Variants in ARHGAP39 observed in about 807,000 individuals in gnomAD.
The protein encoded by ARHGAP39 is rho GTPase-activating protein 39.
A neutral mutation model predicts 106.9 loss-of-function variants in ARHGAP39; 44 were observed. That is an observed-to-expected ratio of 0.41 (90% CI 0.32 to 0.53). ARHGAP39 has a LOEUF of 0.53. ARHGAP39 is among the 20% of genes least tolerant of loss of function. The probability of loss-of-function intolerance (pLI) is 0.21; values close to 1 mark genes in which losing one functional copy is unlikely to be tolerated. For missense variants in ARHGAP39, 1,496 were observed against 1,577.3 expected, an observed-to-expected ratio of 0.95 and a Z score of 0.87; for synonymous variants, 768 against 693.2, an observed-to-expected ratio of 1.11 and a Z score of -1.69.
rs531736940 is a variant in ARHGAP39, at chr8:144,635,196, A to G, written c.-81-29501T>C. 3.0e-4 allele frequency among the ~76,000 whole-genome samples: 46 copies of G among 152,362 alleles called. 1 individual carries two copies. In the South Asian group the frequency reaches 9.5e-3, roughly 32 times the overall value. On this transcript the variant is annotated intron_variant, in intron 1 of 11. Coordinates refer to ENST00000377307, the MANE Select transcript of ARHGAP39 (RefSeq NM_025251.3). ...CCCCTAGGTGGCTTGAGGATGGGGTAGGTCACCAGAAAGACCAACGCACGA... is the reference window on the plus strand; with the variant it reads ...CCCCTAGGTGGCTTGAGGATGGGGTGGGTCACCAGAAAGACCAACGCACGA...
At position 144,548,146 on chromosome 8, in the gene ARHGAP39, C is replaced by CGTAGAGCGGGGGTTCATA. The variant is rs1817544677; in HGVS notation, c.922_939dup (p.Tyr308_Tyr313dup). The CGTAGAGCGGGGGTTCATA allele has an allele frequency of 6.4e-7, 1 of 1,568,822 alleles. No individual in the cohort carries two copies. The highest frequency in any genetic ancestry group is 1.4e-5 in the African/African-American group (1 of 73,238). On this transcript the variant is annotated inframe_insertion, in exon 5 of 12. Transcript: ENST00000377307. The surrounding 1 kb of genome is among the most constrained non-coding windows in gnomAD (Gnocchi z 7.4). ...GCCTGGTACTCCACTGGGGGCTCCT[C>CGTAGAGCGGGGGTTCATA]GTAGAGCGGGGGTTCATAGCCATAG...
intron 1 of ARHGAP39, among the ~76,000 whole-genome samples, chr8:144,618,983 G>A (rs548165755): frequency 6.6e-6 from 1 of 152,340 alleles, no homozygotes; most frequent in East Asian, 1.9e-4. Context: ...GGGGCCCCCA[G>A]GGCCTGTGGT....
upstream of ARHGAP39, among the ~76,000 whole-genome samples, chr8:144,686,800 C>T (rs1244001813): frequency 6.6e-6 from 1 of 152,216 alleles, no homozygotes; most frequent in African/African-American, 2.4e-5. Flanking sequence ...CCCAACTGGG[C>T]GAGCCCAACC....
At chr8:144,627,460 C>A (rs1820951549) in intron 1 of ARHGAP39, among the ~76,000 whole-genome samples, 1 of 148,144 alleles carries the variant, frequency 6.8e-6, no homozygotes, top group Non-Finnish European at 1.5e-5. Flanking sequence ...GAGGCTGAGG[C>A]AGGAGAATGG....
intron 3 of ARHGAP39, among the ~76,000 whole-genome samples, chr8:144,567,568 G>A (rs536413343): frequency 3.3e-5 from 5 of 152,288 alleles, no homozygotes; most frequent in South Asian, 2.1e-4. Flanking sequence ...AGTCAGGCTC[G>A]CCTGCAGTTA....
chr8:144,602,018 CGT>C (rs537362460), intron 2 of ARHGAP39, among the ~76,000 whole-genome samples: 88 of 104,802 alleles, frequency 8.4e-4, no homozygotes, highest in South Asian at 7.1e-3. Flanking sequence ...TGCATGGAGG[CGT>C]GTGTGTGCTC....
At chr8:144,609,236 A>C (rs987631099) in intron 1 of ARHGAP39, among the ~76,000 whole-genome samples, 4 of 152,160 alleles carry the variant, frequency 2.6e-5, no homozygotes, top group Non-Finnish European at 2.9e-5. Flanking sequence ...TTAAATTAGG[A>C]ATGGATGTTG....
At chr8:144,572,013 C>G (rs1032910816) in intron 3 of ARHGAP39, among the ~76,000 whole-genome samples, 4 of 152,208 alleles carry the variant, frequency 2.6e-5, no homozygotes, top group Non-Finnish European at 5.9e-5. Context: ...ATTCCATGCT[C>G]ATGGATAGGA....
rs1175844729 is a variant in ARHGAP39 at position 144,530,883 on chromosome 8, G to A, written c.2981-12C>T. The A allele has an allele frequency of 2.5e-6, 4 of 1,603,346 alleles. No homozygotes were observed. Among genetic ancestry groups the A allele is most frequent in the Admixed American group, 3.3e-5 (2 of 59,744 alleles). ...CTTCAGCAGGGACGCTGGGGACACA[G>A]CACGGGGCTCAGCGGCCCTGCTCGG... On this transcript the variant is annotated splice_polypyrimidine_tract_variant and intron_variant, in intron 10 of 11. Coordinates refer to ENST00000377307, the MANE Select transcript of ARHGAP39 (RefSeq NM_025251.3).
At chr8:144,699,723 C>G in the ARHGAP39 span, among the ~76,000 whole-genome samples, 2 of 151,904 alleles carry the variant, frequency 1.3e-5, no homozygotes, top group Admixed American at 6.6e-5. Context: ...AAGTTGACTT[C>G]GCGTCACCAA....
At chr8:144,581,455 G>A (rs934633292) in intron 2 of ARHGAP39, among the ~76,000 whole-genome samples, 178 bp from the exon 3 acceptor site, 1 of 152,250 alleles carries the variant, frequency 6.6e-6, no homozygotes, top group African/African-American at 2.4e-5. Flanking sequence ...CGCAACCGGG[G>A]AAGCCCCCGG....
chr8:144,693,658 C>G, the ARHGAP39 span, among the ~76,000 whole-genome samples: 1 of 152,236 alleles, frequency 6.6e-6, no homozygotes, highest in Non-Finnish European at 1.5e-5. Flanking sequence ...CAGGCGTGAG[C>G]CACCGCGCCC....
At chr8:144,612,994 C>T (rs1820534806) in intron 1 of ARHGAP39, among the ~76,000 whole-genome samples, 1 of 152,216 alleles carries the variant, frequency 6.6e-6, no homozygotes, top group African/African-American at 2.4e-5. Context: ...TTATGTGGGT[C>T]AACTTTATCT....
In ARHGAP39 at chr8:144,585,011, G is replaced by A. The variant is rs1472150165; in HGVS notation, c.81-3734C>T. ...TCTTTGTTGGCTCTGCAAGGAGCCT[G>A]TGGATGGATTTAAGGAGAACCAGGC... is the stretch of plus-strand genomic sequence containing the variant. On this transcript the variant is annotated intron_variant, in intron 2 of 11. Coordinates refer to ENST00000377307, the MANE Select transcript of ARHGAP39 (RefSeq NM_025251.3). The surrounding 1 kb of genome is among the most constrained non-coding windows in gnomAD (Gnocchi z 4.6). Among the ~76,000 whole-genome samples, 3 of 152,162 alleles carry A rather than the reference G, an allele frequency of 2.0e-5. No homozygotes were observed. Among genetic ancestry groups the A allele is most frequent in the Non-Finnish European group, 4.4e-5 (3 of 68,036 alleles).
chr8:144,628,780 C>A (rs1040999978), intron 1 of ARHGAP39, among the ~76,000 whole-genome samples: 2 of 152,234 alleles, frequency 1.3e-5, no homozygotes, highest in Non-Finnish European at 2.9e-5. Context: ...AGCCCACCAC[C>A]AGTTTGTAGG....
rs762965371 is a variant in ARHGAP39 at position 144,545,322 on chromosome 8, C to T, written c.2448G>A (p.Pro816=). Residue 816 remains proline (P), a synonymous_variant, in exon 6 of 12, where the codon CCG becomes CCA. Coordinates refer to ENST00000377307, the MANE Select transcript of ARHGAP39 (RefSeq NM_025251.3). ...GGTAGGAGTGGAACTTGGGGGTGGG[C>T]GGGAAAAAGGCCAGGCAGATGGCCA... ...ELMAICLAFF[P]PTPKFHSYLE... is the part of the protein sequence containing the mutation. 66 of 1,591,098 alleles carry T rather than the reference C, an allele frequency of 4.1e-5. No individual in the cohort carries two copies. The highest frequency in any genetic ancestry group is 1.7e-4 in the Middle Eastern group (1 of 5,992).
At chr8:144,536,441 C>T (rs1191771189) in intron 7 of ARHGAP39, among the ~76,000 whole-genome samples, 1 of 152,216 alleles carries the variant, frequency 6.6e-6, no homozygotes, top group African/African-American at 2.4e-5. Context: ...GGGGAGTCTG[C>T]TCCCTGCTCC....
intron 7 of ARHGAP39, among the ~76,000 whole-genome samples, chr8:144,534,549 C>T (rs941765075): frequency 5.3e-5 from 8 of 152,218 alleles, no homozygotes; most frequent in African/African-American, 9.6e-5. Flanking sequence ...GGGAGCTGTC[C>T]AGGTATTTGA....
intron 1 of ARHGAP39, among the ~76,000 whole-genome samples, chr8:144,608,986 C>G (rs1051777012): frequency 6.6e-6 from 1 of 152,176 alleles, no homozygotes; most frequent in Non-Finnish European, 1.5e-5. Context: ...CAGAGATGAT[C>G]ATGTCAACAG....
Sources: allele counts gnomAD v4.1 joint callset (sites outside exome capture counted in the v4.1 genomes callset), GRCh38; gene constraint gnomAD v4.1.1; non-coding constraint Gnocchi (gnomAD v3.1); transcripts MANE v1.5; gene names NCBI Gene and HGNC (gene_info 2026-07-23, HGNC 2026-07-21).